PUM2: variants seen among roughly 807,000 people sequenced by gnomAD.
The protein encoded by PUM2 is pumilio homolog 2.
In PUM2, 57 loss-of-function variants were observed where a neutral mutation model predicts 124.5. That is an observed-to-expected ratio of 0.46 (90% confidence interval 0.37 to 0.57). The LOEUF (loss-of-function observed/expected upper bound fraction) is 0.57, where lower values mean the gene tolerates loss of function less well. Among genes scored for constraint, PUM2 ranks in the 20% least tolerant of loss-of-function variants. The pLI is 0.00. For synonymous variants in PUM2, 460 were observed against 446.1 expected, an observed-to-expected ratio of 1.03 and a Z score of -0.39; for missense variants, 1,065 against 1,290.6, an observed-to-expected ratio of 0.83 and a Z score of 2.68.
chr2:20,344,755 G>T (rs977404710), intron 1 of PUM2, among the ~76,000 whole-genome samples: 1 of 151,958 alleles, frequency 6.6e-6, no homozygotes, highest in Non-Finnish European at 1.5e-5. Flanking sequence ...GGCTGAGGCC[G>T]GCGGATCACG....
chr2:20,352,077 T>C (rs1439574674), upstream of PUM2: 1 of 152,258 alleles, frequency 6.6e-6, no homozygotes, highest in Non-Finnish European at 1.5e-5. Flanking sequence ...TAATTGGCAG[T>C]GTCACCACCT....
intron 2 of PUM2, among the ~76,000 whole-genome samples, chr2:20,324,895 A>G (rs1439748342): frequency 3.3e-5 from 5 of 152,178 alleles, no homozygotes; most frequent in African/African-American, 1.2e-4. Flanking sequence ...ATTTTTAAAG[A>G]AAGTCAAGAC....
At chr2:20,255,470 C>T in intron 17 of PUM2, 129 bp from the exon 18 acceptor site, 6 of 894,786 alleles carry the variant, frequency 6.7e-6, no homozygotes, top group Non-Finnish European at 9.8e-6. Flanking sequence ...GGGTGATGAA[C>T]TCACATTTAA....
chr2:20,290,142 A>G (rs1297551519), intron 10 of PUM2, among the ~76,000 whole-genome samples: 5 of 152,220 alleles, frequency 3.3e-5, no homozygotes, highest in Non-Finnish European at 2.9e-5. Context: ...AATTTTTTAT[A>G]CTAGGCTTTC....
At chr2:20,322,630 A>C (rs1572922152) in intron 2 of PUM2, among the ~76,000 whole-genome samples, 2 of 151,920 alleles carry the variant, frequency 1.3e-5, no homozygotes, top group Middle Eastern at 6.8e-3. Context: ...TGGCGAAACA[A>C]TGTCTCTACA....
intron 14 of PUM2, among the ~76,000 whole-genome samples, chr2:20,262,709 C>T (rs1666596534): frequency 1.3e-5 from 2 of 152,184 alleles, no homozygotes; most frequent in South Asian, 4.1e-4. Context: ...GCTATCTTTA[C>T]AATGTTAATT....
chr2:20,299,998 T>C (rs1676568750), intron 7 of PUM2, among the ~76,000 whole-genome samples: 1 of 152,172 alleles, frequency 6.6e-6, no homozygotes. Flanking sequence ...AGTTTTATCA[T>C]AGAGATGAAT....
chr2:20,327,485 G>A, intron 1 of PUM2, 107 bp from the exon 2 acceptor site: 1 of 681,910 alleles, frequency 1.5e-6, no homozygotes, highest in Non-Finnish European at 2.4e-6. Flanking sequence ...CATGATCTGA[G>A]AAAGGGAAGC....
intron 1 of PUM2, among the ~76,000 whole-genome samples, chr2:20,334,112 G>A (rs1382099043): frequency 6.6e-6 from 1 of 151,962 alleles, no homozygotes; most frequent in East Asian, 1.9e-4. Flanking sequence ...CCCAGTCTCA[G>A]ACATTTTTAA....
chr2:20,348,629 C>A (rs1688705155), intron 1 of PUM2, among the ~76,000 whole-genome samples: 1 of 152,234 alleles, frequency 6.6e-6, no homozygotes, highest in African/African-American at 2.4e-5. Context: ...TCTTTCCACA[C>A]CAGAAAGGTT....
At chr2:20,342,061 G>A (rs373710127) in intron 1 of PUM2, among the ~76,000 whole-genome samples, 1 of 151,390 alleles carries the variant, frequency 6.6e-6, no homozygotes. Flanking sequence ...CCCAGGAGGT[G>A]GTGGTTGCAT....
intron 9 of PUM2, among the ~76,000 whole-genome samples, chr2:20,291,851 C>T (rs1024153695): frequency 7.2e-5 from 11 of 152,064 alleles, no homozygotes; most frequent in African/African-American, 1.4e-4. Context: ...GTGACCATAC[C>T]GTTTGCAACG....
intron 12 of PUM2, among the ~76,000 whole-genome samples, chr2:20,281,529 C>G (rs1207090351): frequency 6.6e-6 from 1 of 152,106 alleles, no homozygotes; most frequent in African/African-American, 2.4e-5. Flanking sequence ...ACTATTTCCA[C>G]AAGTTTGTTT....
intron 17 of PUM2, among the ~76,000 whole-genome samples, chr2:20,255,687 A>G (rs1190094121): frequency 1.3e-5 from 2 of 152,194 alleles, no homozygotes; most frequent in African/African-American, 2.4e-5. Context: ...ACAAATTGCT[A>G]TGTGTTTTCT....
intron 10 of PUM2, among the ~76,000 whole-genome samples, chr2:20,288,789 A>G (rs1271105017): frequency 6.6e-6 from 1 of 152,218 alleles, no homozygotes; most frequent in African/African-American, 2.4e-5. Context: ...GAAAATGAGA[A>G]TTATTTCATC....
intron 9 of PUM2, among the ~76,000 whole-genome samples, chr2:20,293,291 T>G (rs565544646): frequency 3.9e-5 from 6 of 152,318 alleles, no homozygotes; most frequent in African/African-American, 1.4e-4. Flanking sequence ...TGTGTATATT[T>G]TAAGCTAATG....
chr2:20,337,219 T>C (rs1374749189), intron 1 of PUM2, among the ~76,000 whole-genome samples: 1 of 152,124 alleles, frequency 6.6e-6, no homozygotes. Flanking sequence ...ATAAAGACTT[T>C]TTTGAGAAAA....
intron 10 of PUM2, among the ~76,000 whole-genome samples, chr2:20,289,767 G>A (rs765294175): frequency 6.6e-6 from 1 of 152,114 alleles, no homozygotes; most frequent in Non-Finnish European, 1.5e-5. Flanking sequence ...AATCATGCAA[G>A]TCATTATTTT....
chr2:20,299,183 G>T (rs369418221), intron 7 of PUM2, among the ~76,000 whole-genome samples: 1 of 152,198 alleles, frequency 6.6e-6, no homozygotes, highest in Non-Finnish European at 1.5e-5. Context: ...GTGTGTGTTG[G>T]GGGTGGAAAG....
Sources: gnomAD v4.1 joint callset for allele counts (sites outside exome capture counted in the v4.1 genomes callset) on GRCh38, gnomAD v4.1.1 for gene constraint, MANE v1.5 for transcripts, NCBI Gene and HGNC (gene_info 2026-07-23, HGNC 2026-07-21) for gene names.